Variants in USP53 observed in about 807,000 individuals in gnomAD.
USP53 encodes the protein ubiquitin carboxyl-terminal hydrolase 53.
In USP53, 71 loss-of-function variants were observed where a neutral mutation model predicts 94.9. That is an observed-to-expected ratio of 0.75 (90% CI 0.62 to 0.91). USP53 has a LOEUF of 0.91. Among genes scored for constraint, USP53 ranks in the 40% least tolerant of loss-of-function variants. The probability of loss-of-function intolerance (pLI) is 0.00; values close to 1 mark genes in which losing one functional copy is unlikely to be tolerated. For synonymous variants in USP53, 375 were observed against 422.7 expected (o/e 0.89, Z 1.39); for missense variants, 1,173 against 1,281.0 (o/e 0.92, Z 1.29).
intron 7 of USP53, 128 bp downstream of exon 7, chr4:119,249,010 C>A: frequency 8.9e-7 from 1 of 1,125,632 alleles, no homozygotes; most frequent in Non-Finnish European, 1.2e-6. Flanking sequence ...CCAGTAGATC[C>A]ATATCTTACC....
At chr4:119,269,858 A>G in intron 15 of USP53, 21 bp downstream of exon 15, 1 of 1,331,356 alleles carries the variant, frequency 7.5e-7, no homozygotes, top group Non-Finnish European at 9.7e-7. Context: ...ATCTTGTACT[A>G]TTGATTTTAA....
At chr4:119,241,164 A>G (rs1248724535) in intron 5 of USP53, among the ~76,000 whole-genome samples, 2 of 152,326 alleles carry the variant, frequency 1.3e-5, no homozygotes, top group African/African-American at 2.4e-5. Context: ...AACAAAACGC[A>G]TATTAGAACG....
intron 17 of USP53, among the ~76,000 whole-genome samples, chr4:119,279,960 C>T (rs530778433): frequency 6.6e-6 from 1 of 152,334 alleles, no homozygotes; most frequent in Admixed American, 6.5e-5. Context: ...TGCTTTGGCT[C>T]GCACACGGTG....
rs1206800034 is a variant in USP53 at position 119,259,808 on chromosome 4, CT to C, written c.570-5del. On this transcript the variant is annotated splice_polypyrimidine_tract_variant and intron_variant, in intron 9 of 18. Coordinates refer to ENST00000692078, the MANE Select transcript of USP53 (RefSeq NM_001371395.1). The stretch of plus-strand genomic sequence containing the variant: ...TCATAGGCCAGATTTGGGATTGCTT[CT>C]TTTTTTGTAGCAATGAGGTTGAAAG... 5.0e-6 allele frequency: 8 copies of C among 1,602,486 alleles called. No individual in the cohort carries two copies. Among genetic ancestry groups the C allele is most frequent in the Middle Eastern group, 1.7e-4 (1 of 6,012 alleles).
In USP53 at chr4:119,271,932, G is replaced by A. The variant is rs1346656143; in HGVS notation, c.2072G>A (p.Ser691Asn). 6.2e-7 allele frequency: 1 copy of A among 1,614,090 alleles called. No homozygotes were observed. The highest frequency in any genetic ancestry group is 8.5e-7 in the Non-Finnish European group (1 of 1,180,036). The change falls in exon 16 of 19, where the codon AGT (serine) becomes AAT (asparagine). Residue 691 changes from serine (S) to asparagine (N), a missense_variant. Ser to Asn is a conservative substitution (Grantham distance 46). Transcript: ENST00000692078. ...MQRTESGYES[S>N]DHISNGSTNL... ...AGGACTGAGTCTGGATATGAAAGCA[G>A]TGATCACATCAGTAATGGTTCTACT...
At chr4:119,225,617 G>A (rs966114622) in intron 3 of USP53, among the ~76,000 whole-genome samples, 1 of 151,946 alleles carries the variant, frequency 6.6e-6, no homozygotes, top group African/African-American at 2.4e-5. Flanking sequence ...GTGGTGGCGG[G>A]CGCCTGTAGT....
At chr4:119,236,157 AG>A (rs1202999826) in intron 4 of USP53, among the ~76,000 whole-genome samples, 1 of 152,242 alleles carries the variant, frequency 6.6e-6, no homozygotes, top group Non-Finnish European at 1.5e-5. Flanking sequence ...AGCAAGTTGC[AG>A]GAATTTTTTT....
At chr4:119,258,473 T>C (rs982987214) in intron 9 of USP53, among the ~76,000 whole-genome samples, 20 of 152,234 alleles carry the variant, frequency 1.3e-4, no homozygotes, top group African/African-American at 4.6e-4. Context: ...TTACATTACA[T>C]TCCTTTTTGG....
Position 119,269,706 on chromosome 4 carries a change from T to G in USP53, c.1304T>G (p.Ile435Ser), listed in dbSNP as rs1751609867. 6.8e-7 allele frequency: 1 copy of G among 1,470,334 alleles called. No individual in the cohort carries two copies. Among genetic ancestry groups the G allele is most frequent in the African/African-American group, 1.4e-5 (1 of 69,552 alleles). The allele number at this position is 1,470,334 out of a possible 1,614,324, so 91.1% of individuals were successfully genotyped here. Residue 435 changes from isoleucine (I) to serine (S), a missense_variant, in exon 15 of 19, where the codon ATT (isoleucine) becomes AGT (serine). Transcript: ENST00000692078. ...VGKGPAKLSH[I>S]DQREKIKDIS... ...TCTTTTACAGCTAAGTTAAGTCACATTGATCAAAGGGAAAAGATAAAAGAC... is the reference window on the plus strand; with the variant it reads ...TCTTTTACAGCTAAGTTAAGTCACAGTGATCAAAGGGAAAAGATAAAAGAC...
rs767460503 is a variant in USP53 at position 119,248,841 on chromosome 4, C to T, written c.331C>T (p.Arg111Ter). ...TGCAGAAAGTTTCAAAGATGAGCAG[C>T]GATTTCAACTTGGCCTTATGGATGA... ...ALAESFKDEQ[R>*]FQLGLMDDAA... The change falls in exon 7 of 19, where the codon CGA becomes TGA. Residue 111 changes from arginine to a stop codon, truncating the protein, a stop_gained. Coordinates refer to ENST00000692078, the MANE Select transcript of USP53 (RefSeq NM_001371395.1). LOFTEE classifies it high-confidence loss of function. The T allele has an allele frequency of 3.1e-6, 5 of 1,613,910 alleles. No individual in the cohort carries two copies. Among genetic ancestry groups the T allele is most frequent in the East Asian group, 2.2e-5 (1 of 44,880 alleles).
chr4:119,271,996 A>G lies in USP53; in HGVS notation c.2136A>G (p.Val712=). The change falls in exon 16 of 19, where the codon GTA becomes GTG. Residue 712 remains valine, a synonymous_variant. Coordinates refer to ENST00000692078, the MANE Select transcript of USP53 (RefSeq NM_001371395.1). ...DSPVIDGNGT[V]MDISGVKETV... is the part of the protein sequence containing the mutation. ...CTGTTATCGATGGAAATGGTACAGTAATGGATATCAGTGGTGTTAAAGAAA... is the reference window on the plus strand; with the variant it reads ...CTGTTATCGATGGAAATGGTACAGTGATGGATATCAGTGGTGTTAAAGAAA... 1.2e-6 allele frequency: 2 copies of G among 1,609,104 alleles called. No individual in the cohort carries two copies. Among genetic ancestry groups the G allele is most frequent in the Non-Finnish European group, 1.7e-6 (2 of 1,178,618 alleles).
At chr4:119,218,584 G>A (rs1362470453) in intron 3 of USP53, 1 of 152,046 alleles carries the variant, frequency 6.6e-6, no homozygotes, top group African/African-American at 2.4e-5. Flanking sequence ...TATTTTCTGT[G>A]TTTTATAAAT....
intron 9 of USP53, among the ~76,000 whole-genome samples, chr4:119,257,656 T>C (rs1023482049): frequency 3.9e-5 from 6 of 152,350 alleles, no homozygotes; most frequent in African/African-American, 1.2e-4. Context: ...CCTGGCTTTA[T>C]TGAGTATAAA....
At chr4:119,282,173 A>T (rs945702166) in intron 17 of USP53, among the ~76,000 whole-genome samples, 1 of 152,074 alleles carries the variant, frequency 6.6e-6, no homozygotes, top group Non-Finnish European at 1.5e-5. Context: ...ACTGAGTAAC[A>T]TTCTATTGTA....
chr4:119,252,110 T>G (rs1260738354), intron 7 of USP53, among the ~76,000 whole-genome samples: 1 of 152,242 alleles, frequency 6.6e-6, no homozygotes, highest in African/African-American at 2.4e-5. Context: ...ATAAGCTTTT[T>G]GATGTGCTGC....
intron 17 of USP53, among the ~76,000 whole-genome samples, chr4:119,287,765 G>A (rs1473892238): frequency 1.3e-5 from 2 of 152,204 alleles, no homozygotes; most frequent in Non-Finnish European, 2.9e-5. Flanking sequence ...GTTATTTGAT[G>A]TTCACACTAG....
chr4:119,252,366 A>G (rs1446356609), intron 7 of USP53, among the ~76,000 whole-genome samples: 1 of 151,980 alleles, frequency 6.6e-6, no homozygotes, highest in African/African-American at 2.4e-5. Flanking sequence ...CTGGTCCTGG[A>G]CTTTTTTTGG....
At chr4:119,213,660 A>ATATATATATATATATATATATGTGTG in intron 1 of USP53, among the ~76,000 whole-genome samples, 2 of 117,790 alleles carry the variant, frequency 1.7e-5, no homozygotes, top group African/African-American at 7.2e-5. Context: ...ATATATATAT[A>ATATATATATATATATATATATGTGTG]TGTGTGTGTG....
rs1348159361 is a variant in USP53 at position 119,277,876 on chromosome 4, A to T, written c.2251+4168A>T. On this transcript the variant is annotated intron_variant, in intron 17 of 18. Transcript: ENST00000692078. Reference sequence around the variant, plus strand: ...GTAATGGCCTTCTTTGTCTCTTTTGATCTTTGTTGGTTTAAAGTCTGTTTT... The same window carrying T: ...GTAATGGCCTTCTTTGTCTCTTTTGTTCTTTGTTGGTTTAAAGTCTGTTTT... Among the ~76,000 whole-genome samples the T allele has an allele frequency of 6.7e-5, 8 of 118,652 alleles. No homozygotes were observed. In the South Asian group the frequency reaches 2.0e-3, roughly 29 times the overall value. The allele number at this position is 118,652 out of a possible 152,430, so 77.8% of individuals were successfully genotyped here.
Sources: allele counts gnomAD v4.1 joint callset (sites outside exome capture counted in the v4.1 genomes callset), GRCh38; gene constraint gnomAD v4.1.1; transcripts MANE v1.5; gene names NCBI Gene and HGNC (gene_info 2026-07-23, HGNC 2026-07-21).